The following DEGS2 variants were observed in gnomAD, a reference collection of about 807,000 sequenced individuals.
DEGS2 encodes the protein sphingolipid delta(4)-desaturase/C4-monooxygenase DES2.
A neutral mutation model predicts 23.8 loss-of-function variants in DEGS2; 19 were observed. The ratio of observed to expected loss-of-function variants is 0.80; its 90% CI spans 0.56 to 1.17. The LOEUF is 1.17. Among genes scored for constraint, DEGS2 ranks in the 50% most tolerant of loss-of-function variants. The pLI, the probability that DEGS2 is intolerant of heterozygous loss-of-function variation, is 0.00. For missense variants in DEGS2, 390 were observed against 459.5 expected, an observed-to-expected ratio of 0.85 and a Z score of 1.38; for synonymous variants, 218 against 213.7, an observed-to-expected ratio of 1.02 and a Z score of -0.18.
At chr14:100,160,702 C>T (rs905044703), upstream of DEGS2, among the ~76,000 whole-genome samples, 5 of 152,228 alleles carry the variant, frequency 3.3e-5, no homozygotes, top group African/African-American at 9.6e-5. Flanking sequence ...TGCTTCTGTG[C>T]GTCCCATGGA....
chr14:100,158,525 C>G (rs968279150), intron 1 of DEGS2, among the ~76,000 whole-genome samples: 5 of 152,184 alleles, frequency 3.3e-5, no homozygotes, highest in African/African-American at 1.2e-4. Context: ...TCGCGAGACT[C>G]TGTCTCTAAA....
At chr14:100,153,189 G>A (rs562271666) in intron 1 of DEGS2, among the ~76,000 whole-genome samples, 6 of 152,222 alleles carry the variant, frequency 3.9e-5, no homozygotes, top group South Asian at 2.1e-4. Context: ...CCAGGAGTTC[G>A]GGGCTGCAGT....
Position 100,146,347 on chromosome 14 carries a change from G to A in DEGS2, c.*414C>T. ...CAGGCCTCAAGCTCCACTCATCGGGGCGGCCCAGCGCCCCATTCCCTGGGG... is the reference window on the plus strand; with the variant it reads ...CAGGCCTCAAGCTCCACTCATCGGGACGGCCCAGCGCCCCATTCCCTGGGG... On this transcript the variant is annotated 3_prime_UTR_variant, in exon 3 of 3. Coordinates refer to ENST00000305631, the MANE Select transcript of DEGS2 (RefSeq NM_206918.3). 1 of 182,024 alleles carries A rather than the reference G, an allele frequency of 5.5e-6. No homozygotes were observed. Among genetic ancestry groups the A allele is most frequent in the Admixed American group, 6.0e-5 (1 of 16,772 alleles). The allele number at this position is 182,024 out of a possible 1,614,324, so 11.3% of individuals were successfully genotyped here.
chr14:100,165,801 T>G, the DEGS2 span, among the ~76,000 whole-genome samples: 1 of 139,614 alleles, frequency 7.2e-6, no homozygotes, highest in African/African-American at 2.7e-5. Context: ...CCCTGCTAAG[T>G]GGGGGCAAAC....
chr14:100,154,576 C>T (rs563111539), intron 1 of DEGS2, among the ~76,000 whole-genome samples: 63 of 152,358 alleles, frequency 4.1e-4, no homozygotes, highest in African/African-American at 1.2e-3. Flanking sequence ...TGTGAAACGT[C>T]TGCACACTTA....
intron 1 of DEGS2, among the ~76,000 whole-genome samples, chr14:100,150,336 T>G (rs1171379621): frequency 6.6e-6 from 1 of 151,728 alleles, no homozygotes; most frequent in African/African-American, 2.4e-5. Context: ...CCCAGGGCAG[T>G]AGCCAATCCG....
intron 1 of DEGS2, among the ~76,000 whole-genome samples, chr14:100,150,302 C>A: frequency 6.6e-6 from 1 of 152,152 alleles, no homozygotes; most frequent in East Asian, 1.9e-4. Flanking sequence ...CACTGCCTCC[C>A]TCTTACCCAG....
intron 2 of DEGS2, 111 bp downstream of exon 2, chr14:100,148,857 A>G: frequency 1.5e-6 from 2 of 1,297,822 alleles, no homozygotes; most frequent in South Asian, 1.4e-5. Flanking sequence ...CATGACTAGC[A>G]CAAAAAGGGA....
chr14:100,156,930 G>T (rs1889667486), intron 1 of DEGS2, among the ~76,000 whole-genome samples: 1 of 152,220 alleles, frequency 6.6e-6, no homozygotes, highest in African/African-American at 2.4e-5. Flanking sequence ...CTGCAGGAAA[G>T]GGAGCGTGGA....
upstream of DEGS2, among the ~76,000 whole-genome samples, chr14:100,163,173 G>A (rs903478691): frequency 6.6e-5 from 10 of 152,176 alleles, no homozygotes; most frequent in African/African-American, 2.4e-4. Flanking sequence ...CGGGCGAGGT[G>A]GCTCACGCCT....
At chr14:100,162,353 TAAATAAATAA>T (rs1889759107), upstream of DEGS2, among the ~76,000 whole-genome samples, 1 of 149,846 alleles carries the variant, frequency 6.7e-6, no homozygotes, top group Non-Finnish European at 1.5e-5. Flanking sequence ...GTCTCAAAAA[TAAATAAATAA>T]AAATAAATAA....
chr14:100,165,920 G>C, the DEGS2 span, among the ~76,000 whole-genome samples: 1 of 135,250 alleles, frequency 7.4e-6, no homozygotes, highest in Admixed American at 7.3e-5. Context: ...AAGTGGGGTG[G>C]GGGGAGCCTG....
rs1595272236 is a variant in DEGS2, at chr14:100,145,842, A to G, written c.*919T>C. The G allele has an allele frequency of 6.6e-6, 1 of 152,482 alleles. No individual in the cohort carries two copies. The highest frequency in any genetic ancestry group is 1.9e-4 in the East Asian group (1 of 5,176). The allele number at this position is 152,482 out of a possible 1,614,324, so 9.4% of individuals were successfully genotyped here. A position where few individuals can be genotyped will look rare whatever the true frequency, so the allele number is the denominator to read the frequency against. ...GTCTCACGTCACGCACACTCCCAGG[A>G]CGCTGCCCGACCCGCATCCCATCTG... is the stretch of plus-strand genomic sequence containing the variant. On this transcript the variant is annotated 3_prime_UTR_variant, in exon 3 of 3. Transcript: ENST00000305631.
chr14:100,150,387 A>ACCCCCCCCCCCCCCCCCCC, intron 1 of DEGS2, among the ~76,000 whole-genome samples: 3 of 92,322 alleles, frequency 3.2e-5, no homozygotes, highest in Admixed American at 2.2e-4. Context: ...CCACCCCAAC[A>ACCCCCCCCCCCCCCCCCCC]CCCCCCCCCG....
In DEGS2 at chr14:100,146,667, A is replaced by C. The variant is rs1343208610; in HGVS notation, c.*94T>G. ...TCCTCGGGGACAAGGGCAGCAGTCC[A>C]GAGCACAGGAAGGAAATGTAGCTTC... is the stretch of plus-strand genomic sequence containing the variant. On this transcript the variant is annotated 3_prime_UTR_variant, in exon 3 of 3. Coordinates refer to ENST00000305631, the MANE Select transcript of DEGS2 (RefSeq NM_206918.3). 12 of 1,526,520 alleles carry C rather than the reference A, an allele frequency of 7.9e-6. No individual in the cohort carries two copies. In the East Asian group the frequency reaches 2.3e-4, roughly 29 times the overall value. The allele number at this position is 1,526,520 out of a possible 1,614,324, so 94.6% of individuals were successfully genotyped here.
At chr14:100,147,669 C>A (rs1448824263) in intron 2 of DEGS2, among the ~76,000 whole-genome samples, 2 of 147,518 alleles carry the variant, frequency 1.4e-5, no homozygotes, top group African/African-American at 2.5e-5. Flanking sequence ...CCCCCCCCCC[C>A]CAGGATGCCT....
In DEGS2 at chr14:100,146,514, G is replaced by T. The variant is rs1052962653; in HGVS notation, c.*247C>A. On this transcript the variant is annotated 3_prime_UTR_variant, in exon 3 of 3. Transcript: ENST00000305631. The stretch of plus-strand genomic sequence containing the variant: ...GCTCAGAGCACCCAGGTCATGGTGG[G>T]GCAGGGCCAGGCCTCACCTGGGGAG... The T allele has an allele frequency of 7.8e-6, 4 of 510,158 alleles. No homozygotes were observed. The African/African-American group carries it at 7.9e-5, about 10-fold the overall frequency. The allele number at this position is 510,158 out of a possible 1,614,324, so 31.6% of individuals were successfully genotyped here. A position where few individuals can be genotyped will look rare whatever the true frequency, so the allele number is the denominator to read the frequency against.
At chr14:100,157,440 G>A (rs1376427020) in intron 1 of DEGS2, among the ~76,000 whole-genome samples, 1 of 152,196 alleles carries the variant, frequency 6.6e-6, no homozygotes, top group East Asian at 1.9e-4. Context: ...CCCTGCTCCA[G>A]CCTCAGCCCC....
intron 1 of DEGS2, among the ~76,000 whole-genome samples, chr14:100,158,411 A>T (rs1187237547): frequency 3.3e-5 from 5 of 151,426 alleles, no homozygotes; most frequent in Non-Finnish European, 5.9e-5. Flanking sequence ...CAAATACAAA[A>T]ATTAGCCGGG....
Sources: allele counts gnomAD v4.1 joint callset (sites outside exome capture counted in the v4.1 genomes callset), GRCh38; gene constraint gnomAD v4.1.1; transcripts MANE v1.5; gene names NCBI Gene and HGNC (gene_info 2026-07-23, HGNC 2026-07-21).